PSMD7: variants seen among roughly 807,000 people sequenced by gnomAD.
PSMD7 encodes the protein proteasome 26S subunit, non-ATPase 7, also known as 26S proteasome non-ATPase regulatory subunit 7.
A neutral mutation model predicts 36.4 loss-of-function variants in PSMD7; 13 were observed. That is an observed-to-expected ratio of 0.36 (90% confidence interval 0.23 to 0.57). The LOEUF (loss-of-function observed/expected upper bound fraction) is 0.57. Ranked by LOEUF, PSMD7 falls within the 20% of genes least tolerant of loss-of-function variation. The pLI is 0.83. For missense variants in PSMD7, 298 were observed against 393.6 expected (o/e 0.76, Z 2.06); for synonymous variants, 186 against 151.0 (o/e 1.23, Z -1.70).
chr16:74,305,805 GTTCT>G lies in PSMD7; in HGVS notation c.*75_*78del. On this transcript the variant is annotated 3_prime_UTR_variant, in exon 7 of 7. Transcript: ENST00000219313. The stretch of plus-strand genomic sequence containing the variant: ...AACTAAATCAGTGTGCTGCTAGAGG[GTTCT>G]TTTTCACTTGACATGCTTATTAGAA... 1 of 1,368,954 alleles carries G rather than the reference GTTCT, an allele frequency of 7.3e-7. No homozygotes were observed. The highest frequency in any genetic ancestry group is 9.4e-7 in the Non-Finnish European group (1 of 1,064,020). 84.8% of individuals were successfully genotyped at this position (1,368,954 alleles called of 1,614,324 possible).
In PSMD7 at chr16:74,296,832, C is replaced by A; in HGVS notation, c.-83C>A. ...ACGAACCGGAAGAAGAGGAACTGGG[C>A]CTGAAAGGGTACCGGTGACCGCTAC... On this transcript the variant is annotated 5_prime_UTR_variant, in exon 1 of 7. Transcript: ENST00000219313. 6.9e-7 allele frequency: 1 copy of A among 1,443,450 alleles called. No homozygotes were observed. The highest frequency in any genetic ancestry group is 2.3e-5 in the East Asian group (1 of 43,078). The allele number at this position is 1,443,450 out of a possible 1,614,324, so 89.4% of individuals were successfully genotyped here.
chr16:74,299,635 C>T, intron 1 of PSMD7: 1 of 442,090 alleles, frequency 2.3e-6, no homozygotes, highest in Middle Eastern at 4.9e-4. Context: ...CTCAAGTGAT[C>T]TGCCCACCTC....
At chr16:74,303,096 T>G (rs1224123710) in intron 5 of PSMD7, among the ~76,000 whole-genome samples, 1 of 152,140 alleles carries the variant, frequency 6.6e-6, no homozygotes, top group Non-Finnish European at 1.5e-5. Context: ...AGCAAGGTGT[T>G]TTTAGTAGGG....
chr16:74,301,708 A>T, intron 4 of PSMD7, 56 bp downstream of exon 4: 1 of 1,396,200 alleles, frequency 7.2e-7, no homozygotes, highest in Non-Finnish European at 1.0e-6. Flanking sequence ...AGCCAGCTCA[A>T]GTAAGAGCAT....
At position 74,305,715 on chromosome 16, in the gene PSMD7, G is replaced by T; in HGVS notation, c.957G>T (p.Glu319Asp). The T allele has an allele frequency of 7.0e-7, 1 of 1,420,346 alleles. No individual in the cohort carries two copies. Among genetic ancestry groups the T allele is most frequent in the South Asian group, 1.7e-5 (1 of 59,830 alleles). 88.0% of individuals were successfully genotyped at this position (1,420,346 alleles called of 1,614,324 possible). Reference sequence around the variant, plus strand: ...AAAAGAGTGATGTAAAGAAAGAGGAGAAAAAGGAGAAAAAGTAAAACATGT... The same window carrying T: ...AAAAGAGTGATGTAAAGAAAGAGGATAAAAAGGAGAAAAAGTAAAACATGT... ...DKEKSDVKKE[E>D]KKEKK Residue 319 changes from glutamate to aspartate, a missense_variant, in exon 7 of 7, where the codon GAG becomes GAT. Glu to Asp is a conservative substitution (Grantham distance 45). Coordinates refer to ENST00000219313, the MANE Select transcript of PSMD7 (RefSeq NM_002811.5).
At chr16:74,301,448 T>G (rs752955454) in intron 3 of PSMD7, 107 bp from the exon 4 acceptor site, 3 of 818,326 alleles carry the variant, frequency 3.7e-6, no homozygotes, top group Non-Finnish European at 3.9e-6. Context: ...ATGTCTGGAA[T>G]TTTCAAAGAG....
chr16:74,305,010 A>ATT, intron 6 of PSMD7: 2 of 363,678 alleles, frequency 5.5e-6, no homozygotes, highest in South Asian at 4.2e-5. Context: ...GACCTAAGCA[A>ATT]TTTTTTTTTC....
At chr16:74,305,216 A>C in intron 6 of PSMD7, 73 bp from the exon 7 acceptor site, 2 of 1,466,282 alleles carry the variant, frequency 1.4e-6, no homozygotes, top group East Asian at 4.6e-5. Flanking sequence ...ATTTTCTTAG[A>C]ATGTAAGAAC....
intron 6 of PSMD7, 100 bp downstream of exon 6, chr16:74,304,494 C>A: frequency 2.0e-6 from 2 of 996,596 alleles, no homozygotes; most frequent in African/African-American, 1.6e-5. Flanking sequence ...GGGGTCTCGT[C>A]CTGGCCGTCC....
intron 1 of PSMD7, among the ~76,000 whole-genome samples, chr16:74,299,361 T>C (rs2034138011): frequency 6.6e-6 from 1 of 152,024 alleles, no homozygotes; most frequent in Non-Finnish European, 1.5e-5. Context: ...GTAAAATCTT[T>C]CTCATTCAGT....
intron 6 of PSMD7, 83 bp from the exon 7 acceptor site, chr16:74,305,206 A>G (rs2034185570): frequency 1.4e-6 from 2 of 1,446,558 alleles, no homozygotes; most frequent in South Asian, 1.5e-5. Context: ...AAAGCTAGGA[A>G]TTTTCTTAGA....
At chr16:74,304,455 A>G in intron 6 of PSMD7, 61 bp downstream of exon 6, 1 of 1,479,852 alleles carries the variant, frequency 6.8e-7, no homozygotes, top group Non-Finnish European at 9.4e-7. Context: ...AGTGTAAGGA[A>G]GAGGTCTGTG....
At chr16:74,304,060 A>C in intron 5 of PSMD7, 1 of 374,896 alleles carries the variant, frequency 2.7e-6, no homozygotes, top group Non-Finnish European at 5.0e-6. Flanking sequence ...GCTTGAGGGA[A>C]TTTCCAGATT....
rs955333313 is a variant in PSMD7, at chr16:74,305,116, C to T, written c.531-173C>T. On this transcript the variant is annotated intron_variant, in intron 6 of 6. Transcript: ENST00000219313. ...AGATAAAATGTGTTCCAAATGATAA[C>T]GAAATTAAGGTAATTGATAACGAAA... is the stretch of plus-strand genomic sequence containing the variant. 23 of 819,780 alleles carry T rather than the reference C, an allele frequency of 2.8e-5. No individual in the cohort carries two copies. The South Asian group carries it at 3.3e-4, about 12-fold the overall frequency. 50.8% of individuals were successfully genotyped at this position (819,780 alleles called of 1,614,324 possible). A position where few individuals can be genotyped will look rare whatever the true frequency, so the allele number is the denominator to read the frequency against.
intron 1 of PSMD7, among the ~76,000 whole-genome samples, chr16:74,297,964 A>G (rs2034126678): frequency 6.6e-6 from 1 of 152,166 alleles, no homozygotes. Context: ...GTCTCAAAAA[A>G]AAAAATGTAT....
chr16:74,305,083 G>A lies in PSMD7; in HGVS notation c.531-206G>A, dbSNP rs2034184572. The A allele has an allele frequency of 3.5e-5, 23 of 661,834 alleles. No homozygotes were observed. In the South Asian group the frequency reaches 6.9e-4, roughly 20 times the overall value. 41.0% of individuals were successfully genotyped at this position (661,834 alleles called of 1,614,324 possible). On this transcript the variant is annotated intron_variant, in intron 6 of 6. Coordinates refer to ENST00000219313, the MANE Select transcript of PSMD7 (RefSeq NM_002811.5). Reference sequence around the variant, plus strand: ...AATTGTTTTTTGAAAAATGTCCTGTGATGAGAAAGATAAAATGTGTTCCAA... The same window carrying A: ...AATTGTTTTTTGAAAAATGTCCTGTAATGAGAAAGATAAAATGTGTTCCAA...
At chr16:74,300,511 GCA>G in intron 2 of PSMD7, 2 of 393,348 alleles carry the variant, frequency 5.1e-6, no homozygotes, top group Non-Finnish European at 4.7e-6. Flanking sequence ...CAGGCAGCTG[GCA>G]CAGTTTGTCA....
At chr16:74,303,597 T>C (rs1181483189) in intron 5 of PSMD7, among the ~76,000 whole-genome samples, 1 of 152,152 alleles carries the variant, frequency 6.6e-6, no homozygotes, top group African/African-American at 2.4e-5. Context: ...ACTATTCTGA[T>C]TGCATTGGTT....
At chr16:74,301,240 C>A in intron 3 of PSMD7, 96 bp downstream of exon 3, 1 of 749,970 alleles carries the variant, frequency 1.3e-6, no homozygotes, top group Non-Finnish European at 2.2e-6. Context: ...GGCCCTTTCA[C>A]TTAGCTACAC....
Sources: allele counts gnomAD v4.1 joint callset (sites outside exome capture counted in the v4.1 genomes callset), GRCh38; gene constraint gnomAD v4.1.1; transcripts MANE v1.5; gene names NCBI Gene and HGNC (gene_info 2026-07-23, HGNC 2026-07-21).